ARHGEF4: variants seen among roughly 807,000 people sequenced by gnomAD.
ARHGEF4 encodes the protein APC-stimulated guanine nucleotide exchange factor 1.
In ARHGEF4, 119 loss-of-function variants were observed where a neutral mutation model predicts 162.0. The ratio of observed to expected loss-of-function variants is 0.73; its 90% confidence interval spans 0.63 to 0.86. The LOEUF is 0.86. ARHGEF4 is among the 40% of genes least tolerant of loss of function. The pLI is 0.00. For synonymous variants in ARHGEF4, 1,014 were observed against 979.9 expected (o/e 1.03, Z -0.65); for missense variants, 2,488 against 2,456.0 (o/e 1.01, Z -0.28).
chr2:130,916,341 T>C lies in ARHGEF4; in HGVS notation c.2395T>C (p.Ser799Pro). Residue 799 changes from serine (S) to proline (P), a missense_variant, in exon 2 of 14, where the codon TCC (serine) becomes CCC (proline). Physicochemically the swap from Ser to Pro is moderately conservative, Grantham distance 74. Around this residue, in one of 6 missense-constraint regions of ARHGEF4, gnomAD observed 1,642 missense variants for 1,481.5 expected, o/e 1.11. Transcript: ENST00000409359. ...GCGCCCGACGTTTTCCAAGGTGACC[T>C]CCTTCAGGAAGGGCAGGCCCTTGGC... ...GKRPTFSKVT[S>P]FRKGRPLATE... The C allele has an allele frequency of 1.9e-6, 3 of 1,542,830 alleles. No individual in the cohort carries two copies. The East Asian group carries it at 7.4e-5, about 38-fold the overall frequency.
At chr2:130,917,978 C>A (rs553467783) in intron 2 of ARHGEF4, among the ~76,000 whole-genome samples, 17 of 152,140 alleles carry the variant, frequency 1.1e-4, no homozygotes, top group African/African-American at 4.1e-4. Flanking sequence ...CCCGCCACCA[C>A]GCCTGGCTAA....
intron 1 of ARHGEF4, among the ~76,000 whole-genome samples, chr2:130,884,090 T>C (rs77353382): frequency 0.028 from 4,214 of 152,102 alleles, 203 homozygotes; most frequent in African/African-American, 0.096. Flanking sequence ...AAGAAGTGTG[T>C]GGAAATTCCA....
At chr2:130,906,885 G>T (rs992372611) in intron 1 of ARHGEF4, among the ~76,000 whole-genome samples, 5 of 152,162 alleles carry the variant, frequency 3.3e-5, no homozygotes, top group Admixed American at 1.3e-4. Flanking sequence ...GTGGGTGTGG[G>T]TATGGGTGGG....
intron 4 of ARHGEF4, among the ~76,000 whole-genome samples, chr2:131,007,956 G>A (rs564946893): frequency 6.6e-6 from 1 of 151,368 alleles, no homozygotes; most frequent in South Asian, 2.1e-4. Context: ...GTGATTACAG[G>A]CACCCACCAC....
chr2:130,997,238 T>C (rs571427077), intron 4 of ARHGEF4, among the ~76,000 whole-genome samples: 2 of 152,370 alleles, frequency 1.3e-5, no homozygotes, highest in South Asian at 4.1e-4. Context: ...AAGGCTTTTA[T>C]TGTTCAGCTC....
At chr2:130,996,548 G>A (rs1011151879) in intron 4 of ARHGEF4, among the ~76,000 whole-genome samples, 5 of 152,134 alleles carry the variant, frequency 3.3e-5, no homozygotes, top group African/African-American at 1.2e-4. Context: ...TTATTCCAGT[G>A]ATAAATACCT....
chr2:131,022,657 C>CAAAAAA (rs61532647), intron 4 of ARHGEF4, among the ~76,000 whole-genome samples: 1 of 143,470 alleles, frequency 7.0e-6, no homozygotes, highest in African/African-American at 2.6e-5. Context: ...ACACATTATA[C>CAAAAAA]AAAAAAAAAA....
At chr2:130,892,210 T>G (rs1679897776) in intron 1 of ARHGEF4, among the ~76,000 whole-genome samples, 1 of 152,136 alleles carries the variant, frequency 6.6e-6, no homozygotes, top group Admixed American at 6.5e-5. Flanking sequence ...GTCTTGAGGC[T>G]CAGTAGGAAG....
At chr2:131,009,257 G>A (rs1688306317) in intron 4 of ARHGEF4, among the ~76,000 whole-genome samples, 1 of 152,126 alleles carries the variant, frequency 6.6e-6, no homozygotes, top group Non-Finnish European at 1.5e-5. Context: ...GTAGAATTCT[G>A]AGTTGACAGT....
At chr2:130,985,485 A>C (rs1686419190) in intron 4 of ARHGEF4, among the ~76,000 whole-genome samples, 1 of 152,140 alleles carries the variant, frequency 6.6e-6, no homozygotes, top group African/African-American at 2.4e-5. Flanking sequence ...CTGACTGACT[A>C]AAACTAGGGG....
chr2:131,018,574 C>T (rs1411193487), intron 4 of ARHGEF4, among the ~76,000 whole-genome samples: 3 of 152,044 alleles, frequency 2.0e-5, no homozygotes, highest in African/African-American at 7.2e-5. Flanking sequence ...TGATACTGTC[C>T]TTTAATGCAC....
intron 4 of ARHGEF4, among the ~76,000 whole-genome samples, chr2:130,978,149 A>C (rs1465052177): frequency 6.6e-6 from 1 of 152,202 alleles, no homozygotes; most frequent in East Asian, 1.9e-4. Context: ...ATGTTTATCC[A>C]AAAGCAACTG....
At chr2:130,917,804 CTTTTCT>C (rs1414966648) in intron 2 of ARHGEF4, among the ~76,000 whole-genome samples, 6 of 147,644 alleles carry the variant, frequency 4.1e-5, no homozygotes, top group African/African-American at 1.2e-4. Flanking sequence ...ATTTTCTTTT[CTTTTCT>C]TTTTCTTTTT....
intron 4 of ARHGEF4, among the ~76,000 whole-genome samples, chr2:130,997,549 C>T (rs1403040776): frequency 6.6e-6 from 1 of 152,122 alleles, no homozygotes; most frequent in African/African-American, 2.4e-5. Flanking sequence ...TGAAGCAAAC[C>T]CATCTTAACT....
intron 4 of ARHGEF4, among the ~76,000 whole-genome samples, chr2:130,986,091 TTG>T (rs932003909): frequency 6.6e-6 from 1 of 151,962 alleles, no homozygotes; most frequent in Non-Finnish European, 1.5e-5. Flanking sequence ...TTTGTGTGTG[TTG>T]TGTCTATTGT....
chr2:131,020,464 T>A (rs1292427832), intron 4 of ARHGEF4, among the ~76,000 whole-genome samples: 2 of 151,886 alleles, frequency 1.3e-5, no homozygotes, highest in South Asian at 2.1e-4. Context: ...CTTGCGATAG[T>A]TTGCTGAGAA....
At chr2:130,837,596 G>A (rs1193139436) in intron 1 of ARHGEF4, 1 of 451,542 alleles carries the variant, frequency 2.2e-6, no homozygotes, top group Non-Finnish European at 4.4e-6. Context: ...CACTCAGTTG[G>A]GACGCCTCCA....
chr2:130,926,868 A>G (rs1214621949), intron 2 of ARHGEF4, among the ~76,000 whole-genome samples: 1 of 118,678 alleles, frequency 8.4e-6, no homozygotes, highest in Non-Finnish European at 1.6e-5. Flanking sequence ...GACTAAGAGT[A>G]TGTATTGGTG....
intron 1 of ARHGEF4, among the ~76,000 whole-genome samples, chr2:130,884,612 C>T (rs1679397850): frequency 6.6e-6 from 1 of 152,098 alleles, no homozygotes; most frequent in African/African-American, 2.4e-5. Flanking sequence ...CAAGTTGCAA[C>T]ACCTGTTCTG....
Sources: gnomAD v4.1 joint callset for allele counts (sites outside exome capture counted in the v4.1 genomes callset) on GRCh38, gnomAD v4.1.1 for gene constraint, gnomAD v4.1.1 regional missense constraint, MANE v1.5 for transcripts, NCBI Gene and HGNC (gene_info 2026-07-23, HGNC 2026-07-21) for gene names.